HRH2: variants seen among roughly 807,000 people sequenced by gnomAD.
HRH2 encodes histamine receptor H2, also known as histamine H2 receptor.
HRH2 carries 4 observed loss-of-function variants against 20.1 expected under a neutral mutation model. That is an observed-to-expected ratio of 0.20 (90% CI 0.10 to 0.45). HRH2 has a LOEUF of 0.45. Among genes scored for constraint, HRH2 ranks in the 20% least tolerant of loss-of-function variants. The probability of loss-of-function intolerance (pLI) is 0.99; values close to 1 mark genes in which losing one functional copy is unlikely to be tolerated. For synonymous variants in HRH2, 197 were observed against 200.7 expected (o/e 0.98, Z 0.16); for missense variants, 250 against 461.6 (o/e 0.54, Z 4.20).
chr5:175,698,495 T>C (rs1402808910), intron 2 of HRH2, among the ~76,000 whole-genome samples: 1 of 152,170 alleles, frequency 6.6e-6, no homozygotes, highest in Non-Finnish European at 1.5e-5. Flanking sequence ...TTGAGACAGT[T>C]AAACAGAAAA....
rs1330164834 is a variant in HRH2, at chr5:175,710,571, C to T, written c.*2600C>T. On this transcript the variant is annotated 3_prime_UTR_variant, in exon 3 of 3. Transcript: ENST00000636584. ...AGCTCTGGCCCGAGGGGCCCACGCA[C>T]CACCCGCCACTGCAGAAGACGCCTC... 6.6e-6 allele frequency: 1 copy of T among 152,296 alleles called. No homozygotes were observed. The highest frequency in any genetic ancestry group is 2.4e-5 in the African/African-American group (1 of 41,468). The allele number at this position is 152,296 out of a possible 1,614,324, so 9.4% of individuals were successfully genotyped here.
intron 2 of HRH2, among the ~76,000 whole-genome samples, chr5:175,685,118 G>A (rs528877703): frequency 3.9e-4 from 59 of 152,278 alleles, no homozygotes; most frequent in African/African-American, 1.3e-3. Context: ...TTCAGAGTGC[G>A]GGAGATGCAA....
chr5:175,680,704 A>G (rs1755933624), intron 1 of HRH2, among the ~76,000 whole-genome samples: 1 of 152,058 alleles, frequency 6.6e-6, no homozygotes, highest in Non-Finnish European at 1.5e-5. Context: ...GGGACAGGAG[A>G]GGATGGGAGG....
chr5:175,663,589 C>T (rs907409806), intron 1 of HRH2, among the ~76,000 whole-genome samples: 2 of 152,196 alleles, frequency 1.3e-5, no homozygotes, highest in Non-Finnish European at 2.9e-5. Context: ...GCACTGTCTG[C>T]ATTTCTCCTC....
At chr5:175,670,946 G>A (rs2113488856) in intron 1 of HRH2, among the ~76,000 whole-genome samples, 1 of 152,386 alleles carries the variant, frequency 6.6e-6, no homozygotes, top group South Asian at 2.1e-4. Context: ...GCCCTGCCCT[G>A]TGGCGCTTAT....
At chr5:175,672,581 C>A (rs1755587157) in intron 1 of HRH2, among the ~76,000 whole-genome samples, 1 of 152,040 alleles carries the variant, frequency 6.6e-6, no homozygotes, top group African/African-American at 2.4e-5. Flanking sequence ...TTCAAAGTAC[C>A]CAATAAATGG....
chr5:175,667,423 G>A (rs1762933900), intron 1 of HRH2, among the ~76,000 whole-genome samples: 1 of 151,816 alleles, frequency 6.6e-6, no homozygotes, highest in South Asian at 2.1e-4. Flanking sequence ...CAGCCTGGGT[G>A]ACAAGAGCAA....
intron 2 of HRH2, among the ~76,000 whole-genome samples, chr5:175,704,280 T>C (rs575625671): frequency 6.6e-6 from 1 of 152,268 alleles, no homozygotes; most frequent in African/African-American, 2.4e-5. Context: ...AAAAATATAA[T>C]TCCTCATGAC....
At chr5:175,666,062 G>A (rs1407275025) in intron 1 of HRH2, among the ~76,000 whole-genome samples, 1 of 152,174 alleles carries the variant, frequency 6.6e-6, no homozygotes, top group East Asian at 1.9e-4. Flanking sequence ...CAGCTGTGTA[G>A]TGGCTCCCCA....
intron 2 of HRH2, among the ~76,000 whole-genome samples, chr5:175,700,468 G>A (rs1274013872): frequency 6.6e-6 from 1 of 152,218 alleles, no homozygotes; most frequent in Admixed American, 6.5e-5. Flanking sequence ...AGACAAGTAA[G>A]CTGACACCTA....
intron 1 of HRH2, among the ~76,000 whole-genome samples, chr5:175,662,265 A>G (rs559251544): frequency 3.7e-4 from 57 of 152,282 alleles, no homozygotes; most frequent in African/African-American, 1.3e-3. Context: ...ATGGTTCTCA[A>G]CTGGAGACAT....
At chr5:175,700,968 C>T (rs943739031) in intron 2 of HRH2, among the ~76,000 whole-genome samples, 2 of 152,134 alleles carry the variant, frequency 1.3e-5, no homozygotes, top group Non-Finnish European at 2.9e-5. Flanking sequence ...GTGGGAATAA[C>T]AAAAATCTGT....
intron 1 of HRH2, among the ~76,000 whole-genome samples, chr5:175,662,356 T>C (rs1308790476): frequency 6.6e-6 from 1 of 152,144 alleles, no homozygotes; most frequent in Non-Finnish European, 1.5e-5. Flanking sequence ...TGCTGGCGTC[T>C]AGTGGGTAGA....
In HRH2 at chr5:175,683,923, C is replaced by T. The variant is rs1407456748; in HGVS notation, c.690C>T (p.His230=). 1 of 1,614,186 alleles carries T rather than the reference C, an allele frequency of 6.2e-7. No homozygotes were observed. The highest frequency in any genetic ancestry group is 8.5e-7 in the Non-Finnish European group (1 of 1,180,038). ...SSWKAATIRE[H]KATVTLAAVM... ...GGAAGGCAGCCACCATCAGGGAGCA[C>T]AAAGCCACAGTGACACTGGCCGCCG... The change falls in exon 2 of 3, where the codon CAC becomes CAT. Residue 230 remains histidine, a synonymous_variant. Coordinates refer to ENST00000636584, the MANE Select transcript of HRH2 (RefSeq NM_001367711.1).
chr5:175,671,985 T>C (rs1193913619), intron 1 of HRH2, among the ~76,000 whole-genome samples: 1 of 152,100 alleles, frequency 6.6e-6, no homozygotes, highest in Non-Finnish European at 1.5e-5. Flanking sequence ...TTCCTGAACA[T>C]GAGGAGCACT....
chr5:175,699,656 C>T (rs573508724), intron 2 of HRH2, among the ~76,000 whole-genome samples: 17 of 152,332 alleles, frequency 1.1e-4, no homozygotes, highest in African/African-American at 4.1e-4. Flanking sequence ...TCACTGCAAG[C>T]TCCGCCTCCT....
At position 175,686,754 on chromosome 5, in the gene HRH2, C is replaced by A. The variant is rs911179883; in HGVS notation, c.1076+2445C>A. ...TCAGGGCCTCACTTCATCCTCCACA[C>A]AACCCTGTGAAGCAGGGACTTGCTT... On this transcript the variant is annotated intron_variant, in intron 2 of 2. Transcript: ENST00000636584. The surrounding 1 kb of genome is among the most constrained non-coding windows in gnomAD (Gnocchi z 4.7). Among the ~76,000 whole-genome samples the A allele has an allele frequency of 2.0e-5, 3 of 152,234 alleles. No individual in the cohort carries two copies. The highest frequency in any genetic ancestry group is 2.9e-5 in the Non-Finnish European group (2 of 68,038).
At chr5:175,659,460 G>A (rs773432150) in intron 1 of HRH2, among the ~76,000 whole-genome samples, 18 of 152,054 alleles carry the variant, frequency 1.2e-4, no homozygotes, top group African/African-American at 4.1e-4. Context: ...AACTTATCTC[G>A]AGAACCTGCT....
chr5:175,674,456 C>T (rs962418871), intron 1 of HRH2, among the ~76,000 whole-genome samples: 1 of 152,096 alleles, frequency 6.6e-6, no homozygotes, highest in African/African-American at 2.4e-5. Flanking sequence ...CTCTCCCTCA[C>T]TATGATGCCT....
Sources: allele counts gnomAD v4.1 joint callset (sites outside exome capture counted in the v4.1 genomes callset), GRCh38; gene constraint gnomAD v4.1.1; non-coding constraint Gnocchi (gnomAD v3.1); transcripts MANE v1.5; gene names NCBI Gene and HGNC (gene_info 2026-07-23, HGNC 2026-07-21).